Variants in YBX3 observed in about 807,000 individuals in gnomAD.
The protein encoded by YBX3 is Y-box binding protein 3.
A neutral mutation model predicts 42.4 loss-of-function variants in YBX3; 29 were observed. The ratio of observed to expected loss-of-function variants is 0.68; its 90% confidence interval spans 0.51 to 0.93. YBX3 has a LOEUF of 0.93. YBX3 is among the 40% of genes least tolerant of loss of function. YBX3 has a pLI of 0.00. For synonymous variants in YBX3, 195 were observed against 189.8 expected, an observed-to-expected ratio of 1.03 and a Z score of -0.22; for missense variants, 517 against 527.5, an observed-to-expected ratio of 0.98 and a Z score of 0.19.
intron 4 of YBX3, among the ~76,000 whole-genome samples, chr12:10,713,789 G>A (rs1437903294): frequency 6.6e-6 from 1 of 152,156 alleles, no homozygotes; most frequent in Non-Finnish European, 1.5e-5. Flanking sequence ...CCAGCACAAA[G>A]GTACTGAGTG....
At chr12:10,707,539 C>A (rs1032737498) in intron 6 of YBX3, among the ~76,000 whole-genome samples, 2 of 152,186 alleles carry the variant, frequency 1.3e-5, no homozygotes, top group African/African-American at 4.8e-5. Context: ...CTAATACAAC[C>A]CATGTTCATT....
chr12:10,715,683 T>C lies in YBX3; in HGVS notation c.450+11A>G. On this transcript the variant is annotated intron_variant, in intron 4 of 9. Transcript: ENST00000228251. ...CCAGCACTTTGATACCCAACCACAA[T>C]TTCCTCTCACCTTCTCTCCTTCAAC... 1.9e-6 allele frequency: 3 copies of C among 1,612,398 alleles called. No individual in the cohort carries two copies. Among genetic ancestry groups the C allele is most frequent in the Non-Finnish European group, 2.5e-6 (3 of 1,178,478 alleles).
rs1036997535 is a variant in YBX3 at position 10,701,249 on chromosome 12, C to A, written c.*34+5G>T. 2 of 777,332 alleles carry A rather than the reference C, an allele frequency of 2.6e-6. No individual in the cohort carries two copies. Among genetic ancestry groups the A allele is most frequent in the East Asian group, 2.4e-5 (1 of 41,232 alleles). 48.2% of individuals were successfully genotyped at this position (777,332 alleles called of 1,614,324 possible). ...AACTCAAGACTGGGCTGCCCCAGCT[C>A]TTACCTGCCGATGGTGAAGGTGCCT... On this transcript the variant is annotated splice_donor_5th_base_variant and intron_variant, in intron 9 of 9. Coordinates refer to ENST00000228251, the MANE Select transcript of YBX3 (RefSeq NM_003651.5).
At position 10,723,215 on chromosome 12, in the gene YBX3, G is replaced by C; in HGVS notation, c.-104C>G. 1 of 1,171,164 alleles carries C rather than the reference G, an allele frequency of 8.5e-7. No homozygotes were observed. Among genetic ancestry groups the C allele is most frequent in the Non-Finnish European group, 1.1e-6 (1 of 949,296 alleles). The allele number at this position is 1,171,164 out of a possible 1,614,324, so 72.5% of individuals were successfully genotyped here. A position where few individuals can be genotyped will look rare whatever the true frequency, so the allele number is the denominator to read the frequency against. The stretch of plus-strand genomic sequence containing the variant: ...CCGGGGCTCGCTCTCGGGGAGGCCG[G>C]GGCGGATCTCGCGGCGCAGGCGGCG... On this transcript the variant is annotated 5_prime_UTR_variant, in exon 1 of 10. Coordinates refer to ENST00000228251, the MANE Select transcript of YBX3 (RefSeq NM_003651.5).
chr12:10,701,944 G>A lies in YBX3; in HGVS notation c.1053+16C>T, dbSNP rs1344961697. The stretch of plus-strand genomic sequence containing the variant: ...AAGACTATCTGGCAACATCCGCCCT[G>A]ACTGGTTGGATTTACCTCTTTGCCA... On this transcript the variant is annotated intron_variant, in intron 8 of 9. Transcript: ENST00000228251. The A allele has an allele frequency of 1.2e-6, 2 of 1,608,328 alleles. No individual in the cohort carries two copies. The highest frequency in any genetic ancestry group is 2.0e-4 in the Middle Eastern group (1 of 5,088).
Position 10,699,912 on chromosome 12 carries a change from T to C in YBX3, c.*35-258A>G, listed in dbSNP as rs190719164. ...TTTTATAAAATTGTATAAAAGAAAATTACCATTACTAATGAACAATACTCA... is the reference window on the plus strand; with the variant it reads ...TTTTATAAAATTGTATAAAAGAAAACTACCATTACTAATGAACAATACTCA... On this transcript the variant is annotated intron_variant, in intron 9 of 9. Transcript: ENST00000228251. 1.2e-4 allele frequency among the ~76,000 whole-genome samples: 19 copies of C among 152,088 alleles called. No homozygotes were observed. The East Asian group carries it at 3.7e-3, about 29-fold the overall frequency.
In YBX3 at chr12:10,713,199, G is replaced by GA; in HGVS notation, c.573+11dup. On this transcript the variant is annotated intron_variant, in intron 5 of 9. Transcript: ENST00000228251. Reference sequence around the variant, plus strand: ...TTTCTCAATCACTGGTTAAGTAACAGAGACAACGTACATTCCGGGGAGGGC... The same window carrying GA: ...TTTCTCAATCACTGGTTAAGTAACAGAAGACAACGTACATTCCGGGGAGGGC... 6.2e-7 allele frequency: 1 copy of GA among 1,606,320 alleles called. No homozygotes were observed. Among genetic ancestry groups the GA allele is most frequent in the Non-Finnish European group, 8.5e-7 (1 of 1,177,214 alleles).
chr12:10,722,918 G>T lies in YBX3; in HGVS notation c.194C>A (p.Thr65Lys). Residue 65 changes from threonine to lysine, a missense_variant, in exon 1 of 10, where the codon ACG becomes AAG. Physicochemically the swap from Thr to Lys is moderately conservative, Grantham distance 78 (BLOSUM62 -1). Around this residue, in one of 3 missense-constraint regions of YBX3, gnomAD observed 11 missense variants for 36.5 expected, o/e 0.30. Coordinates refer to ENST00000228251, the MANE Select transcript of YBX3 (RefSeq NM_003651.5). Reference sequence around the variant, plus strand: ...TAAAGAGGCGGCGGCCGCGGTGCCCGTGGCTGCGGGGGCCGCGTCCCCACC... The same window carrying T: ...TAAAGAGGCGGCGGCCGCGGTGCCCTTGGCTGCGGGGGCCGCGTCCCCACC... Reference protein sequence around the residue: ...NPGGDAAPAATGTAAAASLAT... With the variant: ...NPGGDAAPAAKGTAAAASLAT... 7.2e-7 allele frequency: 1 copy of T among 1,396,346 alleles called. No individual in the cohort carries two copies. Among genetic ancestry groups the T allele is most frequent in the Non-Finnish European group, 9.3e-7 (1 of 1,075,682 alleles). 86.5% of individuals were successfully genotyped at this position (1,396,346 alleles called of 1,614,324 possible). A position where few individuals can be genotyped will look rare whatever the true frequency, so the allele number is the denominator to read the frequency against.
At position 10,718,109 on chromosome 12, in the gene YBX3, T is replaced by C. The variant is rs150263502; in HGVS notation, c.339A>G (p.Lys113=). The change falls in exon 3 of 10, where the codon AAA becomes AAG. Residue 113 remains lysine (K), a synonymous_variant. Coordinates refer to ENST00000228251, the MANE Select transcript of YBX3 (RefSeq NM_003651.5). Reference sequence around the variant, plus strand: ...TTACCTGATGTACAAATACATCTTCTTTGGTGTCATTTCTGTTGAAAGACA... The same window carrying C: ...TTACCTGATGTACAAATACATCTTCCTTGGTGTCATTTCTGTTGAAAGACA... ...GYGFINRNDT[K]EDVFVHQTAI... 39 of 1,612,286 alleles carry C rather than the reference T, an allele frequency of 2.4e-5. No individual in the cohort carries two copies. In the Middle Eastern group the frequency reaches 1.2e-3, roughly 48 times the overall value.
chr12:10,704,047 A>G lies in YBX3; in HGVS notation c.878+4T>C. 6.2e-7 allele frequency: 1 copy of G among 1,614,128 alleles called. No homozygotes were observed. The highest frequency in any genetic ancestry group is 8.5e-7 in the Non-Finnish European group (1 of 1,179,984). ...ACTGGCCATTAGTGGAAAATGCGAC[A>G]TACCTACGGTACCTTGGGCGGTAAG... is the stretch of plus-strand genomic sequence containing the variant. On this transcript the variant is annotated splice_donor_region_variant and intron_variant, in intron 7 of 9. Transcript: ENST00000228251.
intron 1 of YBX3, chr12:10,720,980 A>G (rs569376132): frequency 2.0e-5 from 3 of 152,360 alleles, no homozygotes; most frequent in East Asian, 3.9e-4. Flanking sequence ...CATAACATTT[A>G]TCAGAAGGAA....
chr12:10,722,854 A>G lies in YBX3; in HGVS notation c.258T>C (p.Val86=). The change falls in exon 1 of 10, where the codon GTT becomes GTC. Residue 86 remains valine, a synonymous_variant. Transcript: ENST00000228251. ...GCCCTCCCTGGCCTGACTCACCGAG[A>G]ACTTTTTTCTCCGCGTCTTCGCTGC... ...AAGSEDAEKK[V]LATKVLGTVK... is the part of the protein sequence containing the mutation. 6.7e-7 allele frequency: 1 copy of G among 1,493,456 alleles called. No homozygotes were observed. Among genetic ancestry groups the G allele is most frequent in the Non-Finnish European group, 8.9e-7 (1 of 1,121,602 alleles). 92.5% of individuals were successfully genotyped at this position (1,493,456 alleles called of 1,614,324 possible).
intron 5 of YBX3, 82 bp from the exon 6 acceptor site, chr12:10,710,196 C>T: frequency 2.6e-6 from 4 of 1,544,306 alleles, no homozygotes; most frequent in Non-Finnish European, 2.6e-6. Context: ...TGAATATCAC[C>T]AAAATAAAAT....
chr12:10,707,869 C>A (rs994154444), intron 6 of YBX3, among the ~76,000 whole-genome samples: 3 of 152,190 alleles, frequency 2.0e-5, no homozygotes, highest in Non-Finnish European at 2.9e-5. Context: ...AAAAGACTGA[C>A]AGAAACAGCA....
chr12:10,703,515 A>ATTAGTACCTTTAGG (rs1440876884), intron 7 of YBX3: 1 of 410,684 alleles, frequency 2.4e-6, no homozygotes, highest in Non-Finnish European at 4.8e-6. Context: ...TCTTAGCTGC[A>ATTAGTACCTTTAGG]TTAGTACCTT....
Position 10,705,462 on chromosome 12 carries a change from T to C in YBX3, c.781-1314A>G, listed in dbSNP as rs1305957504. Among the ~76,000 whole-genome samples the C allele has an allele frequency of 4.6e-5, 7 of 152,196 alleles. No homozygotes were observed. In the East Asian group the frequency reaches 5.8e-4, roughly 13 times the overall value. Reference sequence around the variant, plus strand: ...GTAAAATATCCCTCAACTTGGGTTATTGGTGTTCACTAATGATTAGATATT... The same window carrying C: ...GTAAAATATCCCTCAACTTGGGTTACTGGTGTTCACTAATGATTAGATATT... On this transcript the variant is annotated intron_variant, in intron 6 of 9. Transcript: ENST00000228251.
In YBX3 at chr12:10,715,941, A is replaced by G. The variant is rs1008214996; in HGVS notation, c.361-158T>C. ...AAGTTGGATCTCCAACACAACAACA[A>G]GAAAGCACTATAAAACTATATTCCA... On this transcript the variant is annotated intron_variant, in intron 3 of 9. Transcript: ENST00000228251. 19 of 616,482 alleles carry G rather than the reference A, an allele frequency of 3.1e-5. No homozygotes were observed. In the African/African-American group the frequency reaches 3.1e-4, roughly 10 times the overall value. The allele number at this position is 616,482 out of a possible 1,614,324, so 38.2% of individuals were successfully genotyped here.
chr12:10,710,661 A>G, intron 5 of YBX3: 1 of 1,044,010 alleles, frequency 9.6e-7, no homozygotes, highest in African/African-American at 1.6e-5. Flanking sequence ...TGCCTTTCCC[A>G]GGCATTCTCT....
chr12:10,704,977 T>A (rs1043315232), intron 6 of YBX3, among the ~76,000 whole-genome samples: 2 of 152,240 alleles, frequency 1.3e-5, no homozygotes, highest in Non-Finnish European at 2.9e-5. Flanking sequence ...AAAAGTTAAA[T>A]GTAATTCTCA....
Sources: allele counts gnomAD v4.1 joint callset (sites outside exome capture counted in the v4.1 genomes callset), GRCh38; gene constraint gnomAD v4.1.1; regional missense constraint gnomAD v4.1.1; transcripts MANE v1.5; gene names NCBI Gene and HGNC (gene_info 2026-07-23, HGNC 2026-07-21).